The following NDFIP2 variants were observed in gnomAD, a reference collection of about 807,000 sequenced individuals.
NDFIP2 encodes the protein NEDD4 family-interacting protein 2.
A neutral mutation model predicts 36.0 loss-of-function variants in NDFIP2; 19 were observed. The ratio of observed to expected loss-of-function variants is 0.53; its 90% confidence interval spans 0.37 to 0.77. NDFIP2 has a LOEUF of 0.77. Ranked by LOEUF, NDFIP2 falls within the 30% of genes least tolerant of loss-of-function variation. The probability of loss-of-function intolerance (pLI) is 0.00; values close to 1 mark genes in which losing one functional copy is unlikely to be tolerated. For synonymous variants in NDFIP2, 181 were observed against 167.7 expected (o/e 1.08, Z -0.61); for missense variants, 446 against 435.8 (o/e 1.02, Z -0.21).
At chr13:79,524,169 C>T (rs1874698996) in intron 2 of NDFIP2, among the ~76,000 whole-genome samples, 1 of 152,102 alleles carries the variant, frequency 6.6e-6, no homozygotes, top group African/African-American at 2.4e-5. Flanking sequence ...CTTCCATATC[C>T]TCATTATTAA....
At position 79,481,426 on chromosome 13, in the gene NDFIP2, G is replaced by T; in HGVS notation, c.223G>T (p.Val75Leu). The change falls in exon 1 of 8, where the codon GTG becomes TTG. Residue 75 changes from valine (V) to leucine (L), a missense_variant. Coordinates refer to ENST00000218652, the MANE Select transcript of NDFIP2 (RefSeq NM_019080.3). ...GACGACGTCGTCGACGGGGGTGGCC[G>T]TGGGAGCTGAGCACGGAGAAGACTC... ...AATTSSTGVA[V>L]GAEHGEDSLS... 1.3e-6 allele frequency: 2 copies of T among 1,559,736 alleles called. No individual in the cohort carries two copies. Among genetic ancestry groups the T allele is most frequent in the Non-Finnish European group, 1.7e-6 (2 of 1,151,562 alleles).
At chr13:79,497,401 A>G (rs907780884) in intron 1 of NDFIP2, among the ~76,000 whole-genome samples, 1 of 151,896 alleles carries the variant, frequency 6.6e-6, no homozygotes, top group Non-Finnish European at 1.5e-5. Context: ...CCTCTCCATT[A>G]CTGTGGCTTT....
intron 2 of NDFIP2, among the ~76,000 whole-genome samples, chr13:79,526,738 AGT>A (rs939389671): frequency 6.6e-6 from 1 of 152,230 alleles, no homozygotes; most frequent in Non-Finnish European, 1.5e-5. Context: ...TTTAAAAAGA[AGT>A]GGCTGGTCAA....
chr13:79,524,812 C>A (rs1268095007), intron 2 of NDFIP2, among the ~76,000 whole-genome samples: 1 of 152,174 alleles, frequency 6.6e-6, no homozygotes, highest in Non-Finnish European at 1.5e-5. Context: ...TCACTTTGTA[C>A]ACTATGCTTG....
chr13:79,551,386 A>G (rs950346375), intron 7 of NDFIP2, among the ~76,000 whole-genome samples: 2 of 151,510 alleles, frequency 1.3e-5, no homozygotes, highest in African/African-American at 4.8e-5. Flanking sequence ...AGACTTTTAA[A>G]ACTTCTCTTT....
At chr13:79,536,878 A>C (rs1165967969) in intron 3 of NDFIP2, among the ~76,000 whole-genome samples, 1 of 151,754 alleles carries the variant, frequency 6.6e-6, no homozygotes, top group Non-Finnish European at 1.5e-5. Flanking sequence ...AAAAAAAAAA[A>C]TCAGCTAGGT....
chr13:79,484,447 T>C (rs1031248537), intron 1 of NDFIP2, among the ~76,000 whole-genome samples: 5 of 152,254 alleles, frequency 3.3e-5, no homozygotes, highest in Non-Finnish European at 5.9e-5. Flanking sequence ...TTTCCCAAAC[T>C]GTATTTCAGA....
intron 1 of NDFIP2, among the ~76,000 whole-genome samples, chr13:79,509,381 TAGAA>T (rs1366706588): frequency 6.6e-6 from 1 of 152,112 alleles, no homozygotes; most frequent in Non-Finnish European, 1.5e-5. Flanking sequence ...TTGGAATCAG[TAGAA>T]AGAAGTTATG....
intron 1 of NDFIP2, among the ~76,000 whole-genome samples, chr13:79,502,158 T>C (rs1241196478): frequency 6.6e-6 from 1 of 152,176 alleles, no homozygotes; most frequent in East Asian, 1.9e-4. Flanking sequence ...AAGAGATTAA[T>C]AACACCAAGG....
chr13:79,509,289 G>C (rs1206433051), intron 1 of NDFIP2, among the ~76,000 whole-genome samples: 1 of 152,106 alleles, frequency 6.6e-6, no homozygotes, highest in Non-Finnish European at 1.5e-5. Flanking sequence ...GGGTAGGGGG[G>C]CAGTGGAGAG....
chr13:79,511,395 A>G (rs1166596654), intron 1 of NDFIP2, among the ~76,000 whole-genome samples: 1 of 152,198 alleles, frequency 6.6e-6, no homozygotes, highest in Admixed American at 6.5e-5. Context: ...TGGCATTTAC[A>G]TTCTTCTTTG....
chr13:79,550,391 G>A (rs1473693209), intron 6 of NDFIP2, among the ~76,000 whole-genome samples: 5 of 151,586 alleles, frequency 3.3e-5, no homozygotes, highest in Non-Finnish European at 7.4e-5. Flanking sequence ...TAGAGTGACT[G>A]TCTTCCAAGT....
chr13:79,516,973 G>A (rs922697383), intron 1 of NDFIP2, among the ~76,000 whole-genome samples: 2 of 152,174 alleles, frequency 1.3e-5, no homozygotes, highest in South Asian at 2.1e-4. Flanking sequence ...CAATCTTTAT[G>A]CACTGGAAGG....
At chr13:79,517,920 T>C (rs1034288840) in intron 1 of NDFIP2, among the ~76,000 whole-genome samples, 15 of 152,206 alleles carry the variant, frequency 9.9e-5, no homozygotes, top group Non-Finnish European at 1.9e-4. Context: ...TTTGTAAAGC[T>C]CGCTGTATCT....
chr13:79,501,415 G>A (rs951153912), intron 1 of NDFIP2, among the ~76,000 whole-genome samples: 1 of 152,030 alleles, frequency 6.6e-6, no homozygotes, highest in Non-Finnish European at 1.5e-5. Context: ...GGAAGGGGGT[G>A]TATGGGAAAG....
At chr13:79,508,826 C>A (rs757317786) in intron 1 of NDFIP2, among the ~76,000 whole-genome samples, 7 of 152,194 alleles carry the variant, frequency 4.6e-5, no homozygotes, top group Non-Finnish European at 1.0e-4. Flanking sequence ...TCAAACATCT[C>A]TGACAGTAGG....
intron 1 of NDFIP2, among the ~76,000 whole-genome samples, chr13:79,509,137 G>C (rs1170063848): frequency 2.0e-5 from 3 of 152,154 alleles, no homozygotes; most frequent in Non-Finnish European, 4.4e-5. Context: ...AGACATGCCA[G>C]TGACACAGCC....
intron 1 of NDFIP2, among the ~76,000 whole-genome samples, chr13:79,510,279 A>G (rs1874033613): frequency 2.0e-5 from 3 of 151,694 alleles, no homozygotes; most frequent in Admixed American, 1.3e-4. Flanking sequence ...TGCTTTTTCC[A>G]TCAGTGTATT....
Position 79,481,415 on chromosome 13 carries a change from C to G in NDFIP2, c.212C>G (p.Thr71Arg), listed in dbSNP as rs371311268. The part of the protein sequence containing the change: ...GRGPAATTSS[T>R]GVAVGAEHGE... The stretch of plus-strand genomic sequence containing the variant: ...GGCCCTGCGGCGACGACGTCGTCGA[C>G]GGGGGTGGCCGTGGGAGCTGAGCAC... The change falls in exon 1 of 8, where the codon ACG becomes AGG. Residue 71 changes from threonine to arginine, a missense_variant. By Grantham distance (71) the Thr-to-Arg change is moderately conservative. Coordinates refer to ENST00000218652, the MANE Select transcript of NDFIP2 (RefSeq NM_019080.3). The G allele has an allele frequency of 6.4e-6, 10 of 1,557,442 alleles. No homozygotes were observed. Among genetic ancestry groups the G allele is most frequent in the Non-Finnish European group, 8.7e-6 (10 of 1,150,508 alleles).
Sources: gnomAD v4.1 joint callset for allele counts (sites outside exome capture counted in the v4.1 genomes callset) on GRCh38, gnomAD v4.1.1 for gene constraint, MANE v1.5 for transcripts, NCBI Gene and HGNC (gene_info 2026-07-23, HGNC 2026-07-21) for gene names.